The following PCTP variants were observed in gnomAD, a reference collection of about 807,000 sequenced individuals.
The protein encoded by PCTP is START domain-containing protein 2.
A neutral mutation model predicts 31.0 loss-of-function variants in PCTP; 27 were observed. The observed-to-expected ratio is 0.87, with a 90% CI of 0.64 to 1.20. The LOEUF is 1.20. Ranked by LOEUF, PCTP falls within the 50% of genes most tolerant of loss-of-function variation. The pLI is 0.00. For missense variants in PCTP, 287 were observed against 268.2 expected (o/e 1.07, Z -0.49); for synonymous variants, 108 against 101.2 (o/e 1.07, Z -0.40).
In PCTP at chr17:55,809,722, C is replaced by T. The variant is rs538862923; in HGVS notation, c.318-13039C>T. Among the ~76,000 whole-genome samples the T allele has an allele frequency of 6.6e-5, 10 of 151,622 alleles. No individual in the cohort carries two copies. In the South Asian group the frequency reaches 2.1e-3, roughly 31 times the overall value. On this transcript the variant is annotated intron_variant, in intron 3 of 3. Coordinates refer to the PCTP transcript ENST00000572536. ...ATTTTTAGTAGAGATGGGGTTTCAC[C>T]ATGTTGGCCCAGATGGTCTTGATCT...
At chr17:55,821,525 A>G (rs987152878) in intron 3 of PCTP, among the ~76,000 whole-genome samples, 1 of 152,252 alleles carries the variant, frequency 6.6e-6, no homozygotes, top group Non-Finnish European at 1.5e-5. Flanking sequence ...TGTGAATTAT[A>G]TCTCAATAAA....
intron 3 of PCTP, among the ~76,000 whole-genome samples, chr17:55,812,862 G>A (rs989748466): frequency 6.6e-6 from 1 of 152,230 alleles, no homozygotes; most frequent in African/African-American, 2.4e-5. Flanking sequence ...TCAGAGATGA[G>A]AAGGATCCTT....
chr17:55,830,974 C>T (rs2198520), intron 5 of PCTP, among the ~76,000 whole-genome samples: 19,046 of 152,176 alleles, frequency 0.13, 1,354 homozygotes, highest in East Asian at 0.35. Flanking sequence ...TTGTTCCTAA[C>T]AGAAAACCCT....
chr17:55,775,786 C>T (rs916105704), intron 5 of PCTP: 19 of 1,258,808 alleles, frequency 1.5e-5, no homozygotes, highest in Middle Eastern at 3.0e-4. Flanking sequence ...GAAACATCTT[C>T]GCTTTTTCCT....
At chr17:55,848,741 A>G in the PCTP span, among the ~76,000 whole-genome samples, 1 of 152,182 alleles carries the variant, frequency 6.6e-6, no homozygotes, top group Non-Finnish European at 1.5e-5. Flanking sequence ...AAACACTGAT[A>G]ATGAAAGGCA....
rs763817696 is a variant in PCTP, at chr17:55,767,106, GTTGT to G, written c.142-222_142-219del. ...TGTCCTTCACCCACTTTTTGATGGGGTTGTTTGTTTTTTTCTTGTAAATTTGTTG... is the reference window on the plus strand; with the variant it reads ...TGTCCTTCACCCACTTTTTGATGGGGTTGTTTTTTTCTTGTAAATTTGTTG... On this transcript the variant is annotated intron_variant, in intron 1 of 5. Transcript: ENST00000268896. Among the ~76,000 whole-genome samples, 8 of 152,264 alleles carry G rather than the reference GTTGT, an allele frequency of 5.3e-5. No homozygotes were observed. The East Asian group carries it at 7.7e-4, about 15-fold the overall frequency.
At chr17:55,818,115 G>A (rs1055579731) in intron 3 of PCTP, among the ~76,000 whole-genome samples, 40 of 152,210 alleles carry the variant, frequency 2.6e-4, no homozygotes, top group African/African-American at 8.2e-4. Flanking sequence ...GGGTCTCAAA[G>A]TAAGAATAGA....
chr17:55,763,595 A>G (rs1910462023), intron 1 of PCTP, among the ~76,000 whole-genome samples: 1 of 148,920 alleles, frequency 6.7e-6, no homozygotes, highest in African/African-American at 2.5e-5. Context: ...ATATTTAGTT[A>G]AAAATAAGAA....
intron 1 of PCTP, among the ~76,000 whole-genome samples, chr17:55,752,741 G>A (rs1909782138): frequency 6.6e-6 from 1 of 152,132 alleles, no homozygotes; most frequent in South Asian, 2.1e-4. Context: ...ATATCTTGAT[G>A]GATTACTCAC....
chr17:55,811,383 A>G (rs9916334), intron 3 of PCTP, among the ~76,000 whole-genome samples: 7,262 of 152,252 alleles, frequency 0.048, 545 homozygotes, highest in African/African-American at 0.16. Context: ...CCTGACAACC[A>G]ACTATGCAGT....
downstream of PCTP, among the ~76,000 whole-genome samples, chr17:55,845,216 G>T (rs1293964686): frequency 6.6e-6 from 1 of 151,860 alleles, no homozygotes; most frequent in Admixed American, 6.6e-5. Context: ...TTAGAGCAGG[G>T]TTCCCTTTTA....
chr17:55,796,200 C>T (rs922311569), intron 3 of PCTP, among the ~76,000 whole-genome samples: 10 of 152,056 alleles, frequency 6.6e-5, no homozygotes, highest in Middle Eastern at 3.4e-3. Context: ...GAAAATTTCT[C>T]TTAGAACTGG....
At chr17:55,779,810 CTT>C (rs1308655434), downstream of PCTP, among the ~76,000 whole-genome samples, 1 of 152,142 alleles carries the variant, frequency 6.6e-6, no homozygotes, top group African/African-American at 2.4e-5. Flanking sequence ...GTAGCCCATA[CTT>C]AAATCAAGTT....
chr17:55,762,798 C>G (rs1014069281), intron 1 of PCTP, among the ~76,000 whole-genome samples: 1 of 152,094 alleles, frequency 6.6e-6, no homozygotes, highest in South Asian at 2.1e-4. Flanking sequence ...GGCTACCTCT[C>G]CCTGCAGAGG....
At chr17:55,832,144 G>C (rs1905620885) in intron 5 of PCTP, among the ~76,000 whole-genome samples, 1 of 152,168 alleles carries the variant, frequency 6.6e-6, no homozygotes, top group Non-Finnish European at 1.5e-5. Context: ...TTGAGTTTCT[G>C]TCTCTCCTTT....
chr17:55,807,964 T>C (rs1912627023), intron 3 of PCTP, among the ~76,000 whole-genome samples: 1 of 152,194 alleles, frequency 6.6e-6, no homozygotes, highest in Non-Finnish European at 1.5e-5. Context: ...TTAGCGATAA[T>C]GATAATTACT....
At position 55,816,685 on chromosome 17, in the gene PCTP, C is replaced by T. The variant is rs544741921; in HGVS notation, c.318-6076C>T. 6.6e-5 allele frequency among the ~76,000 whole-genome samples: 10 copies of T among 152,266 alleles called. No individual in the cohort carries two copies. The South Asian group carries it at 1.0e-3, about 16-fold the overall frequency. ...TGTCTGTTCAATGATATAACACGGA[C>T]GCCATCAGCTCAACAAATCAGAAAT... On this transcript the variant is annotated intron_variant, in intron 3 of 3. Transcript: ENST00000572536.
chr17:55,837,802 C>T (rs1208939032), intron 5 of PCTP, among the ~76,000 whole-genome samples: 1 of 152,094 alleles, frequency 6.6e-6, no homozygotes, highest in East Asian at 1.9e-4. Flanking sequence ...CCTCACTCTG[C>T]CGACTCCCTG....
At chr17:55,827,395 C>G (rs1767700097), downstream of PCTP, among the ~76,000 whole-genome samples, 1 of 152,222 alleles carries the variant, frequency 6.6e-6, no homozygotes, top group South Asian at 2.1e-4. Flanking sequence ...CCACAGCTGA[C>G]CACTGAAGCA....
Sources: allele counts gnomAD v4.1 joint callset (sites outside exome capture counted in the v4.1 genomes callset), GRCh38; gene constraint gnomAD v4.1.1; transcripts MANE v1.5; gene names NCBI Gene and HGNC (gene_info 2026-07-23, HGNC 2026-07-21).